Variants in THSD4 observed in about 807,000 individuals in gnomAD.
THSD4 encodes thrombospondin type 1 domain containing 4, also known as thrombospondin type-1 domain-containing protein 4.
A neutral mutation model predicts 119.0 loss-of-function variants in THSD4; 69 were observed. That is an observed-to-expected ratio of 0.58 (90% CI 0.48 to 0.71). THSD4 has a LOEUF of 0.71. Among genes scored for constraint, THSD4 ranks in the 30% least tolerant of loss-of-function variants. THSD4 has a pLI of 0.00. For missense variants in THSD4, 1,393 were observed against 1,391.1 expected (o/e 1.00, Z -0.02); for synonymous variants, 524 against 540.4 (o/e 0.97, Z 0.42).
chr15:71,389,465 CTTT>C (rs71154766), intron 6 of THSD4, among the ~76,000 whole-genome samples: 1 of 143,810 alleles, frequency 7.0e-6, no homozygotes. Flanking sequence ...AGAATTTCCT[CTTT>C]TTTTTTTTTT....
chr15:71,586,138 C>G (rs963316853), intron 7 of THSD4, among the ~76,000 whole-genome samples: 3 of 152,034 alleles, frequency 2.0e-5, no homozygotes, highest in Admixed American at 2.0e-4. Flanking sequence ...TTGCCTGATT[C>G]TTCATAATTC....
chr15:71,313,105 A>C (rs1392483171), intron 6 of THSD4, among the ~76,000 whole-genome samples: 1 of 152,126 alleles, frequency 6.6e-6, no homozygotes, highest in African/African-American at 2.4e-5. Context: ...CTATGTGTTT[A>C]TTTATATCAG....
Position 71,304,670 on chromosome 15 carries a change from A to G in THSD4, c.1015+47955A>G, listed in dbSNP as rs544567209. On this transcript the variant is annotated intron_variant, in intron 6 of 17. Transcript: ENST00000261862. ...GAGAATTCAGGTGCTGCTGGTTTTG[A>G]AGATGCCTAAAGGAGTTTCCAATGT... Among the ~76,000 whole-genome samples, 57 of 152,286 alleles carry G rather than the reference A, an allele frequency of 3.7e-4. No homozygotes were observed. The South Asian group carries it at 0.012, about 32-fold the overall frequency.
At position 71,722,990 on chromosome 15, in the gene THSD4, C is replaced by T. The variant is rs184626019; in HGVS notation, c.1358-5559C>T. Reference sequence around the variant, plus strand: ...CACACCGACCTAGCTCATTCTTTTTCGAGTCACTTGGTATTCCATTGTGTG... The same window carrying T: ...CACACCGACCTAGCTCATTCTTTTTTGAGTCACTTGGTATTCCATTGTGTG... On this transcript the variant is annotated intron_variant, in intron 8 of 17. Coordinates refer to ENST00000261862, the MANE Select transcript of THSD4 (RefSeq NM_024817.3). Among the ~76,000 whole-genome samples, 280 of 152,100 alleles carry T rather than the reference C, an allele frequency of 1.8e-3. 1 individual carries two copies. The highest frequency in any genetic ancestry group is 2.9e-3 in the Non-Finnish European group (197 of 68,010).
At chr15:71,238,101 G>T (rs8043316) in intron 4 of THSD4, among the ~76,000 whole-genome samples, 6 of 151,958 alleles carry the variant, frequency 3.9e-5, no homozygotes, top group African/African-American at 1.5e-4. Context: ...ACGTTGTCAG[G>T]GCTGGAAATG....
At chr15:71,691,927 A>G (rs373872846) in intron 8 of THSD4, among the ~76,000 whole-genome samples, 2 of 152,174 alleles carry the variant, frequency 1.3e-5, no homozygotes, top group Non-Finnish European at 2.9e-5. Context: ...CCCGAAGATC[A>G]AGCCGTCCAG....
chr15:71,539,986 G>A (rs908776569), intron 7 of THSD4, among the ~76,000 whole-genome samples: 1 of 151,954 alleles, frequency 6.6e-6, no homozygotes, highest in Non-Finnish European at 1.5e-5. Flanking sequence ...CAGAAGCCAG[G>A]GCAGTGCCCT....
chr15:71,450,074 A>G (rs1447472360), intron 7 of THSD4, among the ~76,000 whole-genome samples: 1 of 152,202 alleles, frequency 6.6e-6, no homozygotes, highest in Non-Finnish European at 1.5e-5. Flanking sequence ...AAACGAAGGA[A>G]CAAGGGAAGG....
At chr15:71,143,244 G>A (rs28650086) in intron 2 of THSD4, among the ~76,000 whole-genome samples, 4,561 of 152,196 alleles carry the variant, frequency 0.03, 230 homozygotes, top group African/African-American at 0.1. Context: ...ATAGAAGTTG[G>A]CATCTAGTAC....
Position 71,665,488 on chromosome 15 carries a change from G to A in THSD4, c.1357+4754G>A, listed in dbSNP as rs1410084571. 2.0e-5 allele frequency among the ~76,000 whole-genome samples: 3 copies of A among 152,232 alleles called. No homozygotes were observed. The South Asian group carries it at 6.2e-4, about 32-fold the overall frequency. On this transcript the variant is annotated intron_variant, in intron 8 of 17. Transcript: ENST00000261862. Reference sequence around the variant, plus strand: ...TGACAGTTTCTTTTGCTGTGCAGATGCTCTTAAGTTTAATTACATCCCATC... The same window carrying A: ...TGACAGTTTCTTTTGCTGTGCAGATACTCTTAAGTTTAATTACATCCCATC...
At chr15:71,373,028 C>T (rs1392120852) in intron 6 of THSD4, among the ~76,000 whole-genome samples, 1 of 152,212 alleles carries the variant, frequency 6.6e-6, no homozygotes, top group African/African-American at 2.4e-5. Flanking sequence ...TCTTTTCAAT[C>T]TTGCAACAAC....
intron 7 of THSD4, among the ~76,000 whole-genome samples, chr15:71,610,144 G>A (rs551043109): frequency 1.3e-5 from 2 of 152,258 alleles, no homozygotes; most frequent in South Asian, 4.2e-4. Flanking sequence ...GTTAAGTAAG[G>A]GGAAAGCATC....
intron 1 of THSD4, among the ~76,000 whole-genome samples, chr15:71,120,357 A>G (rs1596207871): frequency 6.6e-6 from 1 of 152,032 alleles, no homozygotes; most frequent in Admixed American, 6.6e-5. Flanking sequence ...TTTCCTGTCT[A>G]CCCCGTCACC....
At chr15:71,625,782 G>T (rs74022171) in intron 7 of THSD4, among the ~76,000 whole-genome samples, 1,954 of 152,288 alleles carry the variant, frequency 0.013, 48 homozygotes, top group African/African-American at 0.045. Context: ...AGTCTGCTCA[G>T]GGAGCTCACA....
At chr15:71,277,169 A>ATT (rs1361670163) in intron 6 of THSD4, among the ~76,000 whole-genome samples, 5 of 125,372 alleles carry the variant, frequency 4.0e-5, no homozygotes, top group African/African-American at 1.7e-4. Context: ...CTTGTCACCC[A>ATT]GGCTGGAGTG....
chr15:71,427,101 A>G, intron 7 of THSD4, among the ~76,000 whole-genome samples: 1 of 152,210 alleles, frequency 6.6e-6, no homozygotes, highest in East Asian at 1.9e-4. Flanking sequence ...ATTATCTATT[A>G]TTTTTCTTAT....
intron 2 of THSD4, among the ~76,000 whole-genome samples, chr15:71,151,598 G>T (rs1221257712): frequency 6.6e-6 from 1 of 152,162 alleles, no homozygotes; most frequent in African/African-American, 2.4e-5. Context: ...TGCAACCATG[G>T]AGCATGGACT....
At chr15:71,489,197 A>G (rs2140691266) in intron 7 of THSD4, among the ~76,000 whole-genome samples, 1 of 152,298 alleles carries the variant, frequency 6.6e-6, no homozygotes, top group East Asian at 1.9e-4. Context: ...AAAATATGAT[A>G]GAGGTGTGGA....
intron 7 of THSD4, chr15:71,547,415 T>G: frequency 6.4e-7 from 1 of 1,550,484 alleles, no homozygotes; most frequent in East Asian, 2.4e-5. Flanking sequence ...TAATAATGTT[T>G]GTCAGCTACC....
Sources: allele counts gnomAD v4.1 joint callset (sites outside exome capture counted in the v4.1 genomes callset), GRCh38; gene constraint gnomAD v4.1.1; transcripts MANE v1.5; gene names NCBI Gene and HGNC (gene_info 2026-07-23, HGNC 2026-07-21).